SH3D19: variants seen among roughly 807,000 people sequenced by gnomAD.
SH3D19 encodes SH3 domain-containing protein 19.
Under a neutral mutation model 112.1 loss-of-function variants are expected in SH3D19, and 58 were observed. The ratio of observed to expected loss-of-function variants is 0.52; its 90% CI spans 0.42 to 0.64. SH3D19 has a LOEUF of 0.64. SH3D19 is among the 30% of genes least tolerant of loss of function. SH3D19 has a pLI of 0.00. For synonymous variants in SH3D19, 391 were observed against 448.5 expected (o/e 0.87, Z 1.62); for missense variants, 1,090 against 1,263.4 (o/e 0.86, Z 2.08).
intron 1 of SH3D19, among the ~76,000 whole-genome samples, chr4:151,269,752 A>T (rs1429865599): frequency 6.6e-6 from 1 of 152,154 alleles, no homozygotes; most frequent in East Asian, 1.9e-4. Context: ...AGTTGTACAA[A>T]AATATTTTCT....
intron 9 of SH3D19, among the ~76,000 whole-genome samples, chr4:151,152,021 T>C (rs935087673): frequency 1.1e-4 from 16 of 152,238 alleles, no homozygotes; most frequent in African/African-American, 3.6e-4. Context: ...GGTATTTTTA[T>C]GGAAAATCTT....
intron 1 of SH3D19, among the ~76,000 whole-genome samples, chr4:151,238,442 T>C (rs1461792198): frequency 6.6e-6 from 1 of 152,226 alleles, no homozygotes; most frequent in Non-Finnish European, 1.5e-5. Flanking sequence ...ATAAAGATTT[T>C]ATTTTCTTTA....
At chr4:151,252,609 T>C (rs1771505107) in intron 1 of SH3D19, among the ~76,000 whole-genome samples, 1 of 152,222 alleles carries the variant, frequency 6.6e-6, no homozygotes, top group African/African-American at 2.4e-5. Context: ...TGGCTTTAAA[T>C]ACTATGACAT....
At chr4:151,317,198 G>C (rs1430158055) in intron 1 of SH3D19, among the ~76,000 whole-genome samples, 1 of 152,208 alleles carries the variant, frequency 6.6e-6, no homozygotes, top group Non-Finnish European at 1.5e-5. Flanking sequence ...CAAGGAGCCT[G>C]GGAGAAACTC....
intron 2 of SH3D19, among the ~76,000 whole-genome samples, chr4:151,212,789 C>T (rs1305971656): frequency 6.6e-6 from 1 of 152,162 alleles, no homozygotes; most frequent in African/African-American, 2.4e-5. Context: ...TTTGTAAGGC[C>T]ATAGTTGCCA....
At chr4:151,139,974 T>C in intron 12 of SH3D19, 127 bp from the exon 13 acceptor site, 4 of 688,720 alleles carry the variant, frequency 5.8e-6, no homozygotes, top group Non-Finnish European at 1.0e-5. Flanking sequence ...GAGTACATGA[T>C]GCAAACCACA....
chr4:151,301,376 T>C (rs2126329359), intron 1 of SH3D19, among the ~76,000 whole-genome samples: 1 of 152,324 alleles, frequency 6.6e-6, no homozygotes, highest in South Asian at 2.1e-4. Context: ...TACAGACATG[T>C]GCCACCACAC....
intron 11 of SH3D19, among the ~76,000 whole-genome samples, chr4:151,144,831 G>C (rs1435385452): frequency 1.3e-5 from 2 of 152,180 alleles, no homozygotes; most frequent in Non-Finnish European, 2.9e-5. Context: ...TCTTAGAATG[G>C]TTTTTACATC....
chr4:151,194,280 G>A (rs1763085563), intron 2 of SH3D19, among the ~76,000 whole-genome samples: 1 of 151,704 alleles, frequency 6.6e-6, no homozygotes, highest in African/African-American at 2.4e-5. Flanking sequence ...ACCCACCACG[G>A]CCTCCCAAAG....
chr4:151,150,533 T>G (rs1310718899), intron 9 of SH3D19, among the ~76,000 whole-genome samples: 2 of 151,784 alleles, frequency 1.3e-5, no homozygotes, highest in African/African-American at 4.8e-5. Flanking sequence ...GGTGGGAACG[T>G]AAAAGAAACT....
intron 1 of SH3D19, among the ~76,000 whole-genome samples, chr4:151,231,862 A>G (rs1769636310): frequency 1.3e-5 from 2 of 152,186 alleles, no homozygotes; most frequent in African/African-American, 4.8e-5. Flanking sequence ...GAAGAATTGG[A>G]GATGGAAAGG....
In SH3D19 at chr4:151,175,320, GA is replaced by G; in HGVS notation, c.883del (p.Ser295ProfsTer12). On this transcript the variant is annotated frameshift_variant, in exon 7 of 20. Coordinates refer to ENST00000604030, the MANE Select transcript of SH3D19 (RefSeq NM_001378122.1). LOFTEE classifies it high-confidence loss of function. ...CTGACCCTCAAACACTTTAATTCTGGAAACAATACTATTTTGGCTTTGTTCT... is the reference window on the plus strand; with the variant it reads ...CTGACCCTCAAACACTTTAATTCTGGAACAATACTATTTTGGCTTTGTTCT... ...NTEQSQNSIVSRIKVFEGQTN... is the reference protein window; with the variant it reads ...NTEQSQNSIVXRIKVFEGQTN... 6.2e-7 allele frequency: 1 copy of G among 1,613,800 alleles called. No individual in the cohort carries two copies. Among genetic ancestry groups the G allele is most frequent in the Non-Finnish European group, 8.5e-7 (1 of 1,179,914 alleles).
chr4:151,144,125 T>A (rs1389568161), intron 11 of SH3D19, 75 bp from the exon 12 acceptor site: 1 of 1,587,524 alleles, frequency 6.3e-7, no homozygotes, highest in Non-Finnish European at 8.6e-7. Flanking sequence ...ATTTTAATCT[T>A]TGGAGCCTAA....
chr4:151,226,460 A>T, intron 1 of SH3D19: 3 of 992,726 alleles, frequency 3.0e-6, no homozygotes, highest in Non-Finnish European at 3.6e-6. Context: ...TCATTCCATG[A>T]ATCATGGTTG....
chr4:151,184,999 T>TA (rs1157576092), intron 3 of SH3D19, among the ~76,000 whole-genome samples: 3 of 151,146 alleles, frequency 2.0e-5, no homozygotes, highest in South Asian at 2.1e-4. Context: ...CTGTTCCTTT[T>TA]AAAATCTTCT....
chr4:151,290,460 C>G (rs1243605991), intron 1 of SH3D19, among the ~76,000 whole-genome samples: 2 of 152,100 alleles, frequency 1.3e-5, no homozygotes, highest in Non-Finnish European at 2.9e-5. Context: ...TACATGATTC[C>G]ATTTATATGA....
chr4:151,283,973 G>T (rs1198503785), intron 1 of SH3D19, among the ~76,000 whole-genome samples: 3 of 152,128 alleles, frequency 2.0e-5, no homozygotes, highest in Admixed American at 6.5e-5. Flanking sequence ...GTAATGTGTT[G>T]TTTTGCTCTG....
intron 1 of SH3D19, among the ~76,000 whole-genome samples, chr4:151,286,922 G>C (rs1774846069): frequency 6.6e-6 from 1 of 151,564 alleles, no homozygotes; most frequent in African/African-American, 2.4e-5. Context: ...AGAGGTTACA[G>C]TGAGCCGAGA....
At chr4:151,223,760 C>T (rs974443634) in intron 2 of SH3D19, among the ~76,000 whole-genome samples, 3 of 152,072 alleles carry the variant, frequency 2.0e-5, no homozygotes, top group Non-Finnish European at 2.9e-5. Flanking sequence ...TTTTCATCTT[C>T]CCTGTCCCAA....
Sources: allele counts gnomAD v4.1 joint callset (sites outside exome capture counted in the v4.1 genomes callset), GRCh38; gene constraint gnomAD v4.1.1; transcripts MANE v1.5; gene names NCBI Gene and HGNC (gene_info 2026-07-23, HGNC 2026-07-21).